Variants in EYA2 observed in about 807,000 individuals in gnomAD.
The protein encoded by EYA2 is EYA transcriptional coactivator and phosphatase 2.
EYA2 carries 31 observed loss-of-function variants against 69.2 expected under a neutral mutation model. The observed-to-expected ratio is 0.45, with a 90% CI of 0.34 to 0.60. EYA2 has a LOEUF of 0.60. Ranked by LOEUF, EYA2 falls within the 20% of genes least tolerant of loss-of-function variation. The pLI is 0.02. For synonymous variants in EYA2, 257 were observed against 279.4 expected (o/e 0.92, Z 0.80); for missense variants, 622 against 701.2 (o/e 0.89, Z 1.28).
At chr20:47,129,455 A>G (rs1000575713) in intron 9 of EYA2, among the ~76,000 whole-genome samples, 2 of 152,192 alleles carry the variant, frequency 1.3e-5, no homozygotes, top group African/African-American at 4.8e-5. Flanking sequence ...CAGGCTGAGG[A>G]ACAGCATGTG....
chr20:47,058,620 G>A (rs1176437190), intron 5 of EYA2, among the ~76,000 whole-genome samples: 1 of 152,174 alleles, frequency 6.6e-6, no homozygotes, highest in Non-Finnish European at 1.5e-5. Context: ...CAAGGTGGGA[G>A]GATCACTTGA....
At chr20:47,165,602 G>A (rs1426142452) in intron 10 of EYA2, among the ~76,000 whole-genome samples, 2 of 152,208 alleles carry the variant, frequency 1.3e-5, no homozygotes, top group Admixed American at 1.3e-4. Flanking sequence ...GGTCACAGAG[G>A]TGCAAGGTCC....
intron 9 of EYA2, among the ~76,000 whole-genome samples, chr20:47,142,835 T>C (rs893255656): frequency 3.3e-5 from 5 of 152,192 alleles, no homozygotes; most frequent in African/African-American, 1.2e-4. Context: ...ATTTAAATAC[T>C]GGAAAGGGTA....
intron 9 of EYA2, among the ~76,000 whole-genome samples, chr20:47,114,859 TC>T (rs777363380): frequency 6.6e-6 from 1 of 152,152 alleles, no homozygotes; most frequent in Non-Finnish European, 1.5e-5. Flanking sequence ...TCCGCCACTC[TC>T]CCCCTCTTGC....
At position 47,017,224 on chromosome 20, in the gene EYA2, C is replaced by A. The variant is rs138479277; in HGVS notation, c.415+927C>A. Among the ~76,000 whole-genome samples the A allele has an allele frequency of 4.6e-5, 7 of 152,290 alleles. No homozygotes were observed. The East Asian group carries it at 1.4e-3, about 29-fold the overall frequency. On this transcript the variant is annotated intron_variant, in intron 5 of 15. Transcript: ENST00000327619. Reference sequence around the variant, plus strand: ...CTGGTGGCTGTAATTATGGGGATCCCCATTCTGCTGTTTCCCTTTATATAA... The same window carrying A: ...CTGGTGGCTGTAATTATGGGGATCCACATTCTGCTGTTTCCCTTTATATAA...
At chr20:46,959,165 G>C (rs578021724) in intron 1 of EYA2, among the ~76,000 whole-genome samples, 5 of 152,248 alleles carry the variant, frequency 3.3e-5, no homozygotes, top group Non-Finnish European at 7.3e-5. Flanking sequence ...ACACAGAGTA[G>C]ATGCTCAGGA....
intron 1 of EYA2, among the ~76,000 whole-genome samples, chr20:46,933,932 C>G (rs1985786747): frequency 6.6e-6 from 1 of 152,204 alleles, no homozygotes; most frequent in African/African-American, 2.4e-5. Context: ...TGAATTTACC[C>G]CACAGTATTT....
chr20:47,078,331 GCACA>G (rs60383949), intron 7 of EYA2, among the ~76,000 whole-genome samples: 1,959 of 123,822 alleles, frequency 0.016, 5 homozygotes, highest in African/African-American at 0.025. Flanking sequence ...GCGCGCGCGC[GCACA>G]CACACACACA....
At chr20:46,895,582 G>A (rs1253531044) in intron 1 of EYA2, among the ~76,000 whole-genome samples, 1 of 152,250 alleles carries the variant, frequency 6.6e-6, no homozygotes, top group Non-Finnish European at 1.5e-5. Flanking sequence ...CCTGGCGCCT[G>A]CTGCGGGTAG....
At chr20:47,128,327 G>A (rs1257296955) in intron 9 of EYA2, among the ~76,000 whole-genome samples, 1 of 152,112 alleles carries the variant, frequency 6.6e-6, no homozygotes, top group Admixed American at 6.5e-5. Flanking sequence ...CCACCCTGTG[G>A]GCTCTCCTTT....
intron 5 of EYA2, among the ~76,000 whole-genome samples, chr20:47,032,125 A>G (rs762616460): frequency 6.6e-6 from 1 of 152,214 alleles, no homozygotes; most frequent in Non-Finnish European, 1.5e-5. Flanking sequence ...AGGCACAGCC[A>G]GGACAGAAGC....
intron 5 of EYA2, among the ~76,000 whole-genome samples, chr20:47,018,928 C>G (rs543678410): frequency 6.6e-6 from 1 of 152,328 alleles, no homozygotes; most frequent in South Asian, 2.1e-4. Flanking sequence ...ACTCCAGGAA[C>G]TGTCCTAATG....
At chr20:46,931,997 T>A (rs2146252145) in intron 1 of EYA2, among the ~76,000 whole-genome samples, 1 of 150,610 alleles carries the variant, frequency 6.6e-6, no homozygotes, top group South Asian at 2.1e-4. Flanking sequence ...TTACACAGGG[T>A]GCCAGCCCGG....
In EYA2 at chr20:47,103,304, T is replaced by G. The variant is rs548133159; in HGVS notation, c.888+6136T>G. Among the ~76,000 whole-genome samples, 252 of 152,178 alleles carry G rather than the reference T, an allele frequency of 1.7e-3. 2 individuals are homozygous for G. The highest frequency in any genetic ancestry group is 5.7e-3 in the African/African-American group (237 of 41,534). ...GCCCCTGACAACCACTAATCTACTT[T>G]CTTTCTCTACAGATTTGCCTCTTCT... On this transcript the variant is annotated intron_variant, in intron 9 of 15. Coordinates refer to ENST00000327619, the MANE Select transcript of EYA2 (RefSeq NM_005244.5).
chr20:47,012,979 T>C (rs1983166215), intron 4 of EYA2, among the ~76,000 whole-genome samples: 1 of 152,248 alleles, frequency 6.6e-6, no homozygotes. Context: ...ACGAAGGCCC[T>C]CGTGCGCCTT....
chr20:46,947,725 G>A lies in EYA2; in HGVS notation c.-10-42276G>A, dbSNP rs138985723. Among the ~76,000 whole-genome samples the A allele has an allele frequency of 3.5e-3, 526 of 152,294 alleles. 3 individuals carry two copies. Among genetic ancestry groups the A allele is most frequent in the Non-Finnish European group, 1.7e-3 (116 of 68,026 alleles). ...TTCTTTGAATATTTCTTTGGTCAAA[G>A]CAGCTCACATGACCATAACTTTCAA... On this transcript the variant is annotated intron_variant, in intron 1 of 15. Transcript: ENST00000327619.
chr20:47,181,872 A>C (rs1367170958), intron 14 of EYA2, among the ~76,000 whole-genome samples: 1 of 152,146 alleles, frequency 6.6e-6, no homozygotes, highest in Non-Finnish European at 1.5e-5. Flanking sequence ...AAGATTTTTC[A>C]ACAAGATCCT....
In EYA2 at chr20:47,064,226, G is replaced by A. The variant is rs544291071; in HGVS notation, c.416-7959G>A. ...CCCTCCTCAGCCTCCCAAAGTGCTG[G>A]GATTATAGGTATGAGCCACCATGCC... On this transcript the variant is annotated intron_variant, in intron 5 of 15. Transcript: ENST00000327619. Among the ~76,000 whole-genome samples, 8 of 152,300 alleles carry A rather than the reference G, an allele frequency of 5.3e-5. No individual in the cohort carries two copies. In the South Asian group the frequency reaches 1.2e-3, roughly 24 times the overall value.
At chr20:46,996,223 G>A (rs1982012763) in intron 2 of EYA2, among the ~76,000 whole-genome samples, 1 of 152,202 alleles carries the variant, frequency 6.6e-6, no homozygotes, top group Admixed American at 6.5e-5. Context: ...AGTATGCACA[G>A]ACTGAAGCTT....
Sources: gnomAD v4.1 joint callset for allele counts (sites outside exome capture counted in the v4.1 genomes callset) on GRCh38, gnomAD v4.1.1 for gene constraint, MANE v1.5 for transcripts, NCBI Gene and HGNC (gene_info 2026-07-23, HGNC 2026-07-21) for gene names.